The following PCDHB10 variants were observed in gnomAD, a reference collection of about 807,000 sequenced individuals.
PCDHB10 encodes protocadherin beta-10.
For synonymous variants in PCDHB10, 448 were observed against 449.2 expected, an observed-to-expected ratio of 1.00 and a Z score of 0.04; for missense variants, 1,046 against 1,004.7, an observed-to-expected ratio of 1.04 and a Z score of -0.56.
In PCDHB10 at chr5:141,193,162, G is replaced by T. The variant is rs782756281; in HGVS notation, c.610G>T (p.Glu204Ter). 6.2e-7 allele frequency: 1 copy of T among 1,614,122 alleles called. No homozygotes were observed. ...LVLDKALDRE[E>*]QGELSLTLTA... ...GTTGGACAAAGCACTGGATCGGGAG[G>T]AGCAGGGAGAGCTCAGCTTAACCCT... is the stretch of plus-strand genomic sequence containing the variant. Residue 204 changes from glutamate (E) to a stop codon, truncating the protein, a stop_gained, in exon 1 of 1, where the codon GAG (glutamate) becomes TAG (stop). Transcript: ENST00000239446. LOFTEE classifies it low-confidence loss of function (END_TRUNC).
chr5:141,192,516 G>A lies in PCDHB10; in HGVS notation c.-37G>A, dbSNP rs375317157. The A allele has an allele frequency of 7.6e-5, 121 of 1,597,934 alleles. 1 individual carries two copies. The highest frequency in any genetic ancestry group is 5.0e-4 in the Middle Eastern group (3 of 5,970). The stretch of plus-strand genomic sequence containing the variant: ...GCTGTTCTTTTATGCTGGGAGCTGT[G>A]GCTGTAACCAACTAGGAAATAACGT... On this transcript the variant is annotated 5_prime_UTR_variant, in exon 1 of 1. Transcript: ENST00000239446.
Position 141,193,009 on chromosome 5 carries a change from A to G in PCDHB10, c.457A>G (p.Arg153Gly). The G allele has an allele frequency of 6.2e-7, 1 of 1,614,200 alleles. No homozygotes were observed. The highest frequency in any genetic ancestry group is 1.7e-5 in the Admixed American group (1 of 60,026). The change falls in exon 1 of 1, where the codon AGA becomes GGA. Residue 153 changes from arginine to glycine, a missense_variant. Arg to Gly is a moderately radical substitution (Grantham distance 125, BLOSUM62 -2). Transcript: ENST00000239446. ...AAATACAGCTGAAGGGACAGCATTT[A>G]GACTAGAAAGAGCACAGGATCCAGA... ...SENTAEGTAF[R>G]LERAQDPDGG...
Position 141,193,452 on chromosome 5 carries a change from A to T in PCDHB10, c.900A>T (p.Glu300Asp). 2 of 1,614,156 alleles carry T rather than the reference A, an allele frequency of 1.2e-6. No homozygotes were observed. The highest frequency in any genetic ancestry group is 1.7e-6 in the Non-Finnish European group (2 of 1,180,018). Residue 300 changes from glutamate (E) to aspartate (D), a missense_variant, in exon 1 of 1, where the codon GAA becomes GAT. By Grantham distance (45) the Glu-to-Asp change is conservative (BLOSUM62 2). Coordinates refer to ENST00000239446, the MANE Select transcript of PCDHB10 (RefSeq NM_018930.4). ...TTCAAATCAATCCTTTTTCTGGGGA[A>T]ATCTTTCTCAGAGAATTGCTTGATT... is the stretch of plus-strand genomic sequence containing the variant. ...TTFQINPFSGEIFLRELLDYE... is the reference protein window; with the variant it reads ...TTFQINPFSGDIFLRELLDYE...
In PCDHB10 at chr5:141,194,921, C is replaced by T. The variant is rs143684689; in HGVS notation, c.2369C>T (p.Thr790Ile). The change falls in exon 1 of 1, where the codon ACC becomes ATC. Residue 790 changes from threonine to isoleucine, a missense_variant. Coordinates refer to ENST00000239446, the MANE Select transcript of PCDHB10 (RefSeq NM_018930.4). ...GPGRKGEENS[T>I]FRNSFGFNIQ ...GGGAGGAAGGGTGAAGAAAATTCCA[C>T]CTTCCGAAATAGCTTTGGATTTAAT... The T allele has an allele frequency of 2.5e-6, 4 of 1,611,992 alleles. No homozygotes were observed. The African/African-American group carries it at 5.3e-5, about 22-fold the overall frequency.
chr5:141,192,506 T>C lies in PCDHB10; in HGVS notation c.-47T>C. 3 of 1,587,348 alleles carry C rather than the reference T, an allele frequency of 1.9e-6. No homozygotes were observed. The highest frequency in any genetic ancestry group is 2.6e-6 in the Non-Finnish European group (3 of 1,167,712). ...GTTTCCTACTGCTGTTCTTTTATGC[T>C]GGGAGCTGTGGCTGTAACCAACTAG... On this transcript the variant is annotated 5_prime_UTR_variant, in exon 1 of 1. Transcript: ENST00000239446.
rs781793497 is a variant in PCDHB10, at chr5:141,193,041, A to T, written c.489A>T (p.Gly163=). 1.1e-5 allele frequency: 17 copies of T among 1,614,018 alleles called. 1 individual carries two copies. In the South Asian group the frequency reaches 1.4e-4, roughly 14 times the overall value. Residue 163 remains glycine (G), a synonymous_variant, in exon 1 of 1, where the codon GGA becomes GGT. Coordinates refer to ENST00000239446, the MANE Select transcript of PCDHB10 (RefSeq NM_018930.4). The part of the protein sequence containing the change: ...RLERAQDPDG[G]LNGIQNYTIS... ...AAAGAGCACAGGATCCAGATGGAGG[A>T]CTTAACGGTATCCAAAACTACACGA...
Position 141,194,078 on chromosome 5 carries a change from A to G in PCDHB10, c.1526A>G (p.Asp509Gly). 5.6e-6 allele frequency: 9 copies of G among 1,605,942 alleles called. No individual in the cohort carries two copies. Among genetic ancestry groups the G allele is most frequent in the Non-Finnish European group, 7.7e-6 (9 of 1,176,314 alleles). The change falls in exon 1 of 1, where the codon GAC becomes GGC. Residue 509 changes from aspartate to glycine, a missense_variant. Transcript: ENST00000239446. ...PLASLVSINADNGHLFALRSL... is the reference protein window; with the variant it reads ...PLASLVSINAGNGHLFALRSL... ...GCCTCCCTGGTCTCCATCAACGCGG[A>G]CAACGGCCACCTGTTCGCCCTCAGG...
Position 141,192,752 on chromosome 5 carries a change from T to A in PCDHB10, c.200T>A (p.Val67Asp). 6.2e-7 allele frequency: 1 copy of A among 1,608,794 alleles called. No homozygotes were observed. The highest frequency in any genetic ancestry group is 1.3e-5 in the African/African-American group (1 of 74,510). The change falls in exon 1 of 1, where the codon GTT becomes GAT. Residue 67 changes from valine (V) to aspartate (D), a missense_variant. Transcript: ENST00000239446. ...CTGGCTGCAAGGGGAACCAGGGTGG[T>A]TTCCGATGATAACAAACAATACCTG... ...GELAARGTRV[V>D]SDDNKQYLLL...
At position 141,192,680 on chromosome 5, in the gene PCDHB10, C is replaced by G. The variant is rs782745367; in HGVS notation, c.128C>G (p.Ser43Cys). The change falls in exon 1 of 1, where the codon TCC becomes TGC. Residue 43 changes from serine (S) to cysteine (C), a missense_variant. Physicochemically the swap from Ser to Cys is moderately radical, Grantham distance 112. Coordinates refer to ENST00000239446, the MANE Select transcript of PCDHB10 (RefSeq NM_018930.4). ...GTGACTGAGGAAACAGAGAAAGGAT[C>G]CTTTGTGGTCAATCTGGCAAAGGAT... Reference protein sequence around the residue: ...YSVTEETEKGSFVVNLAKDLG... With the variant: ...YSVTEETEKGCFVVNLAKDLG... 6.2e-6 allele frequency: 10 copies of G among 1,613,828 alleles called. 1 individual carries two copies. The highest frequency in any genetic ancestry group is 1.7e-4 in the Middle Eastern group (1 of 6,058).
chr5:141,193,775 C>A lies in PCDHB10; in HGVS notation c.1223C>A (p.Ala408Glu). The change falls in exon 1 of 1, where the codon GCG becomes GAG. Residue 408 changes from alanine (A) to glutamate (E), a missense_variant. By Grantham distance (107) the Ala-to-Glu change is moderately radical. Transcript: ENST00000239446. ...ENFYILITEG[A>E]LDREIRAEYN... Reference sequence around the variant, plus strand: ...TTTTACATCCTAATTACAGAAGGCGCGCTGGACAGAGAGATCAGAGCCGAG... The same window carrying A: ...TTTTACATCCTAATTACAGAAGGCGAGCTGGACAGAGAGATCAGAGCCGAG... 6.2e-7 allele frequency: 1 copy of A among 1,614,172 alleles called. No individual in the cohort carries two copies. Among genetic ancestry groups the A allele is most frequent in the African/African-American group, 1.3e-5 (1 of 75,018 alleles).
Position 141,194,530 on chromosome 5 carries a change from T to G in PCDHB10, c.1978T>G (p.Leu660Val), listed in dbSNP as rs17844596. ...TCGCTCGGCCACCGCCACGCTGCAC[T>G]TGCTCCTGGTGGACGGCTTCTCCCA... Reference protein sequence around the residue: ...PPRSATATLHLLLVDGFSQPY... With the variant: ...PPRSATATLHVLLVDGFSQPY... The change falls in exon 1 of 1, where the codon TTG (leucine) becomes GTG (valine). Residue 660 changes from leucine (L) to valine (V), a missense_variant. Transcript: ENST00000239446. 124,893 of 1,438,612 alleles carry G rather than the reference T, an allele frequency of 0.087. 34,668 individuals carry two copies. Among genetic ancestry groups the G allele is most frequent in the East Asian group, 0.46 (16,142 of 35,454 alleles). 89.1% of individuals were successfully genotyped at this position (1,438,612 alleles called of 1,614,324 possible).
At position 141,195,618 on chromosome 5, in the gene PCDHB10, A is replaced by C. The variant is rs1754036678; in HGVS notation, c.*663A>C. ...ATTATAATCTGCCTGAAAATGAATA[A>C]AAATAAAACATTTTGAAATGTGTGG... On this transcript the variant is annotated 3_prime_UTR_variant, in exon 1 of 1. Transcript: ENST00000239446. 1 of 165,874 alleles carries C rather than the reference A, an allele frequency of 6.0e-6. No homozygotes were observed. The highest frequency in any genetic ancestry group is 2.4e-5 in the African/African-American group (1 of 41,434). The allele number at this position is 165,874 out of a possible 1,614,324, so 10.3% of individuals were successfully genotyped here.
At position 141,194,529 on chromosome 5, in the gene PCDHB10, C is replaced by A. The variant is rs782464100; in HGVS notation, c.1977C>A (p.His659Gln). 3.2e-6 allele frequency: 5 copies of A among 1,581,414 alleles called. No homozygotes were observed. The highest frequency in any genetic ancestry group is 2.3e-5 in the East Asian group (1 of 43,148). The change falls in exon 1 of 1, where the codon CAC becomes CAA. Residue 659 changes from histidine to glutamine, a missense_variant. His to Gln is a conservative substitution (Grantham distance 24, BLOSUM62 0). Coordinates refer to ENST00000239446, the MANE Select transcript of PCDHB10 (RefSeq NM_018930.4). ...EPPRSATATL[H>Q]LLLVDGFSQP... ...CTCGCTCGGCCACCGCCACGCTGCA[C>A]TTGCTCCTGGTGGACGGCTTCTCCC...
In PCDHB10 at chr5:141,194,536, C is replaced by G. The variant is rs781993872; in HGVS notation, c.1984C>G (p.Leu662Val). Residue 662 changes from leucine (L) to valine (V), a missense_variant, in exon 1 of 1, where the codon CTG (leucine) becomes GTG (valine). Coordinates refer to ENST00000239446, the MANE Select transcript of PCDHB10 (RefSeq NM_018930.4). ...RSATATLHLL[L>V]VDGFSQPYLP... ...GGCCACCGCCACGCTGCACTTGCTC[C>G]TGGTGGACGGCTTCTCCCAGCCCTA... 77 of 1,579,094 alleles carry G rather than the reference C, an allele frequency of 4.9e-5. No homozygotes were observed. The highest frequency in any genetic ancestry group is 3.9e-5 in the Non-Finnish European group (46 of 1,166,114).
At position 141,192,444 on chromosome 5, in the gene PCDHB10, C is replaced by A; in HGVS notation, c.-109C>A. ...GCCAAAGATTGGGAAAGGGAAAGGA[C>A]AAAAAAGACCCCTGGGCTACACGGC... On this transcript the variant is annotated 5_prime_UTR_variant, in exon 1 of 1. Coordinates refer to ENST00000239446, the MANE Select transcript of PCDHB10 (RefSeq NM_018930.4). 7.0e-7 allele frequency: 1 copy of A among 1,420,598 alleles called. No homozygotes were observed. The highest frequency in any genetic ancestry group is 9.5e-7 in the Non-Finnish European group (1 of 1,048,410). The allele number at this position is 1,420,598 out of a possible 1,614,324, so 88.0% of individuals were successfully genotyped here.
Position 141,192,767 on chromosome 5 carries a change from A to G in PCDHB10, c.215A>G (p.Lys72Arg). The change falls in exon 1 of 1, where the codon AAA becomes AGA. Residue 72 changes from lysine to arginine, a missense_variant. Lys to Arg is a conservative substitution (Grantham distance 26). Transcript: ENST00000239446. The stretch of plus-strand genomic sequence containing the variant: ...ACCAGGGTGGTTTCCGATGATAACA[A>G]ACAATACCTGCTCCTGGATTCACAT... The part of the protein sequence containing the change: ...RGTRVVSDDN[K>R]QYLLLDSHTG... 3 of 1,608,370 alleles carry G rather than the reference A, an allele frequency of 1.9e-6. No homozygotes were observed. The highest frequency in any genetic ancestry group is 2.6e-6 in the Non-Finnish European group (3 of 1,176,132).
chr5:141,193,443 T>C lies in PCDHB10; in HGVS notation c.891T>C (p.Phe297=). ...NIRTTFQINP[F]SGEIFLRELL... ...GAACAACCTTTCAAATCAATCCTTT[T>C]TCTGGGGAAATCTTTCTCAGAGAAT... The change falls in exon 1 of 1, where the codon TTT becomes TTC. Residue 297 remains phenylalanine (F), a synonymous_variant. Transcript: ENST00000239446. The C allele has an allele frequency of 6.2e-7, 1 of 1,614,138 alleles. No individual in the cohort carries two copies. The highest frequency in any genetic ancestry group is 2.2e-5 in the East Asian group (1 of 44,878).
In PCDHB10 at chr5:141,194,866, G is replaced by T; in HGVS notation, c.2314G>T (p.Val772Phe). The change falls in exon 1 of 1, where the codon GTT (valine) becomes TTT (phenylalanine). Residue 772 changes from valine (V) to phenylalanine (F), a missense_variant. Coordinates refer to ENST00000239446, the MANE Select transcript of PCDHB10 (RefSeq NM_018930.4). Reference protein sequence around the residue: ...GTSEFKFLKPVISDIQAQGPG... With the variant: ...GTSEFKFLKPFISDIQAQGPG... ...CAGTGAGTTCAAGTTCTTGAAACCA[G>T]TTATTTCGGATATTCAGGCACAGGG... The T allele has an allele frequency of 6.2e-7, 1 of 1,614,176 alleles. No homozygotes were observed. Among genetic ancestry groups the T allele is most frequent in the Non-Finnish European group, 8.5e-7 (1 of 1,180,028 alleles).
At position 141,194,613 on chromosome 5, in the gene PCDHB10, G is replaced by C. The variant is rs781820708; in HGVS notation, c.2061G>C (p.Leu687Phe). 1 of 1,592,298 alleles carries C rather than the reference G, an allele frequency of 6.3e-7. No individual in the cohort carries two copies. Among genetic ancestry groups the C allele is most frequent in the South Asian group, 1.1e-5 (1 of 90,210 alleles). The stretch of plus-strand genomic sequence containing the variant: ...CCCAGGCCCAGGCCGAGGCCGACTT[G>C]CTCACCGTCTACCTGGTGGTGGCGT... The part of the protein sequence containing the change: ...APAQAQAEAD[L>F]LTVYLVVALA... The change falls in exon 1 of 1, where the codon TTG becomes TTC. Residue 687 changes from leucine to phenylalanine, a missense_variant. Transcript: ENST00000239446.
Sources: gnomAD v4.1 joint callset for allele counts on GRCh38, gnomAD v4.1.1 for gene constraint, MANE v1.5 for transcripts, NCBI Gene and HGNC (gene_info 2026-07-23, HGNC 2026-07-21) for gene names.